DYNC2I1: variants seen among roughly 807,000 people sequenced by gnomAD.
DYNC2I1 encodes cytoplasmic dynein 2 intermediate chain 1.
Under a neutral mutation model 133.4 loss-of-function variants are expected in DYNC2I1, and 89 were observed. The observed-to-expected ratio is 0.67, with a 90% CI of 0.56 to 0.80. DYNC2I1 has a LOEUF of 0.80. Among genes scored for constraint, DYNC2I1 ranks in the 30% least tolerant of loss-of-function variants. The pLI, the probability that DYNC2I1 is intolerant of heterozygous loss-of-function variation, is 0.00. For synonymous variants in DYNC2I1, 504 were observed against 484.3 expected, an observed-to-expected ratio of 1.04 and a Z score of -0.54; for missense variants, 1,291 against 1,314.5, an observed-to-expected ratio of 0.98 and a Z score of 0.28.
intron 21 of DYNC2I1, among the ~76,000 whole-genome samples, chr7:158,930,931 G>A (rs572116455): frequency 6.6e-6 from 1 of 152,164 alleles, no homozygotes; most frequent in Non-Finnish European, 1.5e-5. Flanking sequence ...GCCTCCCAAA[G>A]TGCTGGGATT....
intron 23 of DYNC2I1, 50 bp downstream of exon 23, chr7:158,934,599 G>C: frequency 1.3e-6 from 2 of 1,531,752 alleles, no homozygotes; most frequent in Non-Finnish European, 1.8e-6. Context: ...TTTGTTTTTT[G>C]AGACAGGGTC....
the DYNC2I1 span, among the ~76,000 whole-genome samples, chr7:158,844,435 G>A: frequency 2.0e-5 from 3 of 152,168 alleles, no homozygotes; most frequent in East Asian, 5.8e-4. Context: ...TCCTTAAAGG[G>A]GGAGAGCGCG....
chr7:158,843,900 GGGAAGAAAAAA>G, the DYNC2I1 span, among the ~76,000 whole-genome samples: 1 of 151,996 alleles, frequency 6.6e-6, no homozygotes, highest in African/African-American at 2.4e-5. Context: ...CAAGCAGGAG[GGGAAGAAAAAA>G]GGAAGGAAAA....
intron 2 of DYNC2I1, among the ~76,000 whole-genome samples, chr7:158,870,796 G>A (rs763431294): frequency 2.6e-5 from 4 of 152,124 alleles, no homozygotes; most frequent in Non-Finnish European, 4.4e-5. Flanking sequence ...CACCCGAATA[G>A]TACCTGTCAC....
chr7:158,951,970 G>C (rs940605831), intron 4 of DYNC2I1, among the ~76,000 whole-genome samples: 6 of 152,174 alleles, frequency 3.9e-5, no homozygotes, highest in African/African-American at 1.4e-4. Context: ...GCATCCTCCA[G>C]ACCCGCCTTT....
At chr7:158,905,248 C>A (rs1008160873) in intron 10 of DYNC2I1, 1 of 353,784 alleles carries the variant, frequency 2.8e-6, no homozygotes, top group Non-Finnish European at 5.4e-6. Context: ...TCAAGCGATT[C>A]TTCTGCTTCA....
downstream of DYNC2I1, among the ~76,000 whole-genome samples, chr7:158,957,833 T>A (rs1852237801): frequency 6.6e-6 from 1 of 152,072 alleles, no homozygotes; most frequent in Non-Finnish European, 1.5e-5. Context: ...AAGGGCTGTT[T>A]AGCTACGTGC....
chr7:158,877,834 G>A (rs1843510810), intron 4 of DYNC2I1, among the ~76,000 whole-genome samples: 1 of 152,232 alleles, frequency 6.6e-6, no homozygotes, highest in Admixed American at 6.5e-5. Flanking sequence ...GAGAGAAAGA[G>A]TGATGTGACA....
chr7:158,878,602 G>A lies in DYNC2I1; in HGVS notation c.574-1082G>A, dbSNP rs113064160. ...GCGAGGAGGGGAGGCCAGGAGGGCC[G>A]ACTGTGAATGCCGGGTGCCATGTGG... On this transcript the variant is annotated intron_variant, in intron 4 of 24. Transcript: ENST00000407559. Among the ~76,000 whole-genome samples, 994 of 136,640 alleles carry A rather than the reference G, an allele frequency of 7.3e-3. 14 individuals are homozygous for A. The highest frequency in any genetic ancestry group is 0.026 in the African/African-American group (904 of 34,300). 89.6% of individuals were successfully genotyped at this position (136,640 alleles called of 152,430 possible).
At position 158,869,237 on chromosome 7, in the gene DYNC2I1, G is replaced by A. The variant is rs181101376; in HGVS notation, c.16-618G>A. ...GGACCCCTCTGGGCCCGTGGCTGTG[G>A]CATCTGCTGTGAGGGACCCTCTGGG... On this transcript the variant is annotated intron_variant, in intron 1 of 24. Coordinates refer to ENST00000407559, the MANE Select transcript of DYNC2I1 (RefSeq NM_018051.5). Among the ~76,000 whole-genome samples, 292 of 145,564 alleles carry A rather than the reference G, an allele frequency of 2.0e-3. 1 individual carries two copies. The highest frequency in any genetic ancestry group is 0.017 in the South Asian group (74 of 4,382).
chr7:158,944,184 G>C (rs1290247579), intron 24 of DYNC2I1, among the ~76,000 whole-genome samples: 2 of 152,164 alleles, frequency 1.3e-5, no homozygotes, highest in African/African-American at 4.8e-5. Flanking sequence ...TGGCTGTGGG[G>C]AACAGGCAGG....
chr7:158,896,496 G>A (rs1845772747), intron 8 of DYNC2I1, among the ~76,000 whole-genome samples: 1 of 152,018 alleles, frequency 6.6e-6, no homozygotes. Flanking sequence ...TTTGAGGCAG[G>A]GTGTTAACTC....
chr7:158,926,456 A>G lies in DYNC2I1; in HGVS notation c.2426A>G (p.Asn809Ser), dbSNP rs374498651. The stretch of plus-strand genomic sequence containing the variant: ...TCCTTGGATGAGAGTGGGGTTCTCA[A>G]TGTATGGGTGAGTAGTGGCCCAGGC... ...IASLDESGVL[N>S]VWVVVELPKA... The change falls in exon 19 of 25, where the codon AAT becomes AGT. Residue 809 changes from asparagine to serine, a missense_variant. Asn to Ser is a conservative substitution (Grantham distance 46). Coordinates refer to ENST00000407559, the MANE Select transcript of DYNC2I1 (RefSeq NM_018051.5). The G allele has an allele frequency of 3.1e-6, 5 of 1,613,052 alleles. No homozygotes were observed. Among genetic ancestry groups the G allele is most frequent in the Non-Finnish European group, 4.2e-6 (5 of 1,179,520 alleles).
intron 17 of DYNC2I1, among the ~76,000 whole-genome samples, chr7:158,925,803 C>G (rs1308041213): frequency 6.6e-6 from 1 of 152,188 alleles, no homozygotes. Context: ...CTCCGACCTC[C>G]TCTGCCTCCC....
At chr7:158,877,394 A>G (rs942165023) in intron 4 of DYNC2I1, among the ~76,000 whole-genome samples, 1 of 152,252 alleles carries the variant, frequency 6.6e-6, no homozygotes, top group African/African-American at 2.4e-5. Context: ...TCTTTAAATT[A>G]TAAAGACATC....
intron 3 of DYNC2I1, among the ~76,000 whole-genome samples, chr7:158,874,943 C>G (rs960357863): frequency 6.6e-6 from 1 of 152,132 alleles, no homozygotes; most frequent in South Asian, 2.1e-4. Context: ...GTCCTGAGGT[C>G]ACAAGACCTG....
At chr7:158,934,346 G>A in intron 22 of DYNC2I1, 72 bp from the exon 23 acceptor site, 2 of 1,551,598 alleles carry the variant, frequency 1.3e-6, no homozygotes, top group South Asian at 2.5e-5. Context: ...TAAATTGTTT[G>A]AGGAACAGTA....
At chr7:158,885,426 C>T (rs553691299) in intron 6 of DYNC2I1, among the ~76,000 whole-genome samples, 1 of 151,744 alleles carries the variant, frequency 6.6e-6, no homozygotes, top group African/African-American at 2.4e-5. Context: ...ACTGCAACCT[C>T]CGCCTCCCAG....
rs565263942 is a variant in DYNC2I1 at position 158,885,213 on chromosome 7, G to A, written c.935+594G>A. 1.3e-3 allele frequency among the ~76,000 whole-genome samples: 191 copies of A among 152,174 alleles called. 1 individual carries two copies. Among genetic ancestry groups the A allele is most frequent in the African/African-American group, 4.3e-3 (179 of 41,506 alleles). ...GCAGAGACCCCCAGAGCTGGGGGTGGGGGTCAGCCTTGGTTGGAATTTCCT... is the reference window on the plus strand; with the variant it reads ...GCAGAGACCCCCAGAGCTGGGGGTGAGGGTCAGCCTTGGTTGGAATTTCCT... On this transcript the variant is annotated intron_variant, in intron 6 of 24. Coordinates refer to ENST00000407559, the MANE Select transcript of DYNC2I1 (RefSeq NM_018051.5).
Sources: allele counts gnomAD v4.1 joint callset (sites outside exome capture counted in the v4.1 genomes callset), GRCh38; gene constraint gnomAD v4.1.1; transcripts MANE v1.5; gene names NCBI Gene and HGNC (gene_info 2026-07-23, HGNC 2026-07-21).